Variants in FGF5 observed in about 807,000 individuals in gnomAD.
FGF5 encodes heparin-binding growth factor 5.
A neutral mutation model predicts 21.8 loss-of-function variants in FGF5; 23 were observed. That is an observed-to-expected ratio of 1.05 (90% CI 0.76 to 1.49). FGF5 has a LOEUF of 1.49. Among genes scored for constraint, FGF5 ranks in the 40% most tolerant of loss-of-function variants. The pLI is 0.00. For missense variants in FGF5, 352 were observed against 332.9 expected, an observed-to-expected ratio of 1.06 and a Z score of -0.45; for synonymous variants, 158 against 124.0, an observed-to-expected ratio of 1.27 and a Z score of -1.82.
At chr4:80,284,964 G>A (rs1320861704) in intron 2 of FGF5, among the ~76,000 whole-genome samples, 2 of 152,136 alleles carry the variant, frequency 1.3e-5, no homozygotes, top group Non-Finnish European at 2.9e-5. Flanking sequence ...TGTGTAAATA[G>A]TACTCCTTGA....
intron 2 of FGF5, among the ~76,000 whole-genome samples, chr4:80,285,558 C>T (rs1720687642): frequency 2.0e-5 from 3 of 152,236 alleles, no homozygotes; most frequent in South Asian, 4.2e-4. Context: ...CTCTGCATAC[C>T]GCTGTCATAA....
chr4:80,283,973 A>C (rs1249465351), intron 2 of FGF5, among the ~76,000 whole-genome samples: 1 of 152,224 alleles, frequency 6.6e-6, no homozygotes, highest in Admixed American at 6.5e-5. Flanking sequence ...GCTGTAGACA[A>C]ATCTACAATG....
At chr4:80,274,494 A>G (rs535994986) in intron 1 of FGF5, among the ~76,000 whole-genome samples, 1 of 152,196 alleles carries the variant, frequency 6.6e-6, no homozygotes, top group Non-Finnish European at 1.5e-5. Context: ...AAATAGTTAT[A>G]CTAGTCTTGA....
intron 1 of FGF5, among the ~76,000 whole-genome samples, chr4:80,274,573 A>C (rs1720356879): frequency 6.6e-6 from 1 of 152,094 alleles, no homozygotes; most frequent in South Asian, 2.1e-4. Flanking sequence ...GAGGAGAATT[A>C]TTTTGAAAAA....
intron 2 of FGF5, among the ~76,000 whole-genome samples, chr4:80,276,172 G>T (rs36056508): frequency 0.01 from 1,537 of 152,074 alleles, 19 homozygotes; most frequent in African/African-American, 0.032. Context: ...TACATGCAGT[G>T]TGCTAAGAAT....
rs1211530965 is a variant in FGF5, at chr4:80,290,490, C to T, written c.*3818C>T. 1 of 152,060 alleles carries T rather than the reference C, an allele frequency of 6.6e-6. No homozygotes were observed. Among genetic ancestry groups the T allele is most frequent in the Non-Finnish European group, 1.5e-5 (1 of 68,006 alleles). 9.4% of individuals were successfully genotyped at this position (152,060 alleles called of 1,614,324 possible). Reference sequence around the variant, plus strand: ...AAAAGGGAACAAGATGCTGATCCAACCTGAGTGGAGTCAGGTGAGGCATCT... The same window carrying T: ...AAAAGGGAACAAGATGCTGATCCAATCTGAGTGGAGTCAGGTGAGGCATCT... On this transcript the variant is annotated 3_prime_UTR_variant, in exon 3 of 3. Coordinates refer to ENST00000312465, the MANE Select transcript of FGF5 (RefSeq NM_004464.4).
chr4:80,266,989 T>C lies in FGF5; in HGVS notation c.165T>C (p.Ser55=), dbSNP rs1191019306. ...SSRQSSSSAM[S]SSSASSSPAA... The stretch of plus-strand genomic sequence containing the variant: ...GACAGAGCAGCAGTAGCGCTATGTC[T>C]TCCTCTTCTGCCTCCTCCTCCCCCG... Residue 55 remains serine, a synonymous_variant, in exon 1 of 3, where the codon TCT becomes TCC. Coordinates refer to ENST00000312465, the MANE Select transcript of FGF5 (RefSeq NM_004464.4). The C allele has an allele frequency of 4.3e-6, 7 of 1,614,074 alleles. No homozygotes were observed. The highest frequency in any genetic ancestry group is 5.9e-6 in the Non-Finnish European group (7 of 1,180,040).
At position 80,266,935 on chromosome 4, in the gene FGF5, T is replaced by C. The variant is rs1334194136; in HGVS notation, c.111T>C (p.Thr37=). The C allele has an allele frequency of 1.9e-6, 3 of 1,614,176 alleles. No individual in the cohort carries two copies. The highest frequency in any genetic ancestry group is 2.5e-6 in the Non-Finnish European group (3 of 1,180,018). ...APKGQPGPAA[T]DRNPRGSSSR... is the part of the protein sequence containing the mutation. The stretch of plus-strand genomic sequence containing the variant: ...AAGGGCAACCCGGACCCGCTGCCAC[T>C]GATAGGAACCCTAGAGGCTCCAGCA... The change falls in exon 1 of 3, where the codon ACT becomes ACC. Residue 37 remains threonine (T), a synonymous_variant. Coordinates refer to ENST00000312465, the MANE Select transcript of FGF5 (RefSeq NM_004464.4).
At chr4:80,270,289 C>T (rs1401014056) in intron 1 of FGF5, among the ~76,000 whole-genome samples, 2 of 152,036 alleles carry the variant, frequency 1.3e-5, no homozygotes, top group African/African-American at 4.8e-5. Context: ...TATTTTAAAC[C>T]TAATAATATT....
intron 1 of FGF5, chr4:80,268,567 G>GCAAGTAA: frequency 1.0e-6 from 1 of 980,442 alleles, no homozygotes. Context: ...GCGCGCAAGT[G>GCAAGTAA]GGTAAGGCGG....
intron 2 of FGF5, among the ~76,000 whole-genome samples, chr4:80,275,754 G>A (rs574765739): frequency 1.3e-5 from 2 of 151,866 alleles, no homozygotes; most frequent in African/African-American, 4.8e-5. Context: ...CCCACTCACA[G>A]ATTCTATTTA....
chr4:80,282,945 A>G (rs1402636464), intron 2 of FGF5, among the ~76,000 whole-genome samples: 1 of 152,182 alleles, frequency 6.6e-6, no homozygotes, highest in Non-Finnish European at 1.5e-5. Context: ...TAGTACCTCT[A>G]GCTAAGACCT....
chr4:80,267,141 A>C lies in FGF5; in HGVS notation c.317A>C (p.Asp106Ala). The change falls in exon 1 of 3, where the codon GAT becomes GCT. Residue 106 changes from aspartate to alanine, a missense_variant. Physicochemically the swap from Asp to Ala is moderately radical, Grantham distance 126. Transcript: ENST00000312465. ...GGTTTCCATCTGCAGATCTACCCGGATGGCAAAGTCAATGGATCCCACGAA... is the reference window on the plus strand; with the variant it reads ...GGTTTCCATCTGCAGATCTACCCGGCTGGCAAAGTCAATGGATCCCACGAA... ...GIGFHLQIYPDGKVNGSHEAN... is the reference protein window; with the variant it reads ...GIGFHLQIYPAGKVNGSHEAN... 6.2e-7 allele frequency: 1 copy of C among 1,612,998 alleles called. No individual in the cohort carries two copies. Among genetic ancestry groups the C allele is most frequent in the Non-Finnish European group, 8.5e-7 (1 of 1,179,442 alleles).
intron 2 of FGF5, among the ~76,000 whole-genome samples, chr4:80,278,694 T>C (rs1720479608): frequency 6.6e-6 from 1 of 152,184 alleles, no homozygotes; most frequent in African/African-American, 2.4e-5. Context: ...TAAGTTTTAT[T>C]TGAGCTTCAG....
chr4:80,267,252 G>A (rs1720123804), intron 1 of FGF5, 73 bp downstream of exon 1: 1 of 1,234,258 alleles, frequency 8.1e-7, no homozygotes, highest in African/African-American at 1.5e-5. Flanking sequence ...GCAGGTATTC[G>A]CCGGGACACA....
chr4:80,280,627 G>A (rs1248637954), intron 2 of FGF5, among the ~76,000 whole-genome samples: 4 of 151,984 alleles, frequency 2.6e-5, no homozygotes, highest in Non-Finnish European at 5.9e-5. Context: ...TTACTTCTCT[G>A]GCTGAAAAAA....
Position 80,286,420 on chromosome 4 carries a change from G to T in FGF5, c.555G>T (p.Gly185=). 6.2e-7 allele frequency: 1 copy of T among 1,613,982 alleles called. No homozygotes were observed. The highest frequency in any genetic ancestry group is 8.5e-7 in the Non-Finnish European group (1 of 1,179,960). Residue 185 remains glycine, a synonymous_variant, in exon 3 of 3, where the codon GGG becomes GGT. Transcript: ENST00000312465. ...CAATACATAGAACTGAAAAAACAGG[G>T]CGGGAGTGGTATGTGGCCCTGAATA... ...ASAIHRTEKT[G]REWYVALNKR... is the part of the protein sequence containing the mutation.
intron 2 of FGF5, among the ~76,000 whole-genome samples, chr4:80,279,847 T>C (rs768940287): frequency 4.6e-5 from 7 of 152,336 alleles, no homozygotes; most frequent in Non-Finnish European, 8.8e-5. Context: ...TAGGGGATCA[T>C]GTTTGAAAGG....
intron 2 of FGF5, among the ~76,000 whole-genome samples, chr4:80,281,079 G>A (rs1720539997): frequency 6.6e-6 from 1 of 152,076 alleles, no homozygotes; most frequent in Non-Finnish European, 1.5e-5. Context: ...TAGAAGGAAC[G>A]AATGTCCAGT....
Sources: gnomAD v4.1 joint callset for allele counts (sites outside exome capture counted in the v4.1 genomes callset) on GRCh38, gnomAD v4.1.1 for gene constraint, MANE v1.5 for transcripts, NCBI Gene and HGNC (gene_info 2026-07-23, HGNC 2026-07-21) for gene names.